Variants in MFRP observed in about 807,000 individuals in gnomAD.
The protein encoded by MFRP is membrane frizzled-related protein.
In MFRP, 74 loss-of-function variants were observed where a neutral mutation model predicts 65.8. The observed-to-expected ratio is 1.12, with a 90% CI of 0.93 to 1.36. The LOEUF (loss-of-function observed/expected upper bound fraction) is 1.36, where lower values mean the gene tolerates loss of function less well. MFRP is among the 40% of genes most tolerant of loss of function. The pLI is 0.00. For synonymous variants in MFRP, 336 were observed against 288.3 expected, an observed-to-expected ratio of 1.17 and a Z score of -1.68; for missense variants, 838 against 736.0, an observed-to-expected ratio of 1.14 and a Z score of -1.60.
At chr11:119,344,538 G>A (rs1188050215) in intron 7 of MFRP, 94 bp downstream of exon 7, 139 of 1,602,636 alleles carry the variant, frequency 8.7e-5, no homozygotes, top group Non-Finnish European at 4.8e-5. Context: ...AAATGCTGAC[G>A]GAGGGCCCGG....
Position 119,341,680 on chromosome 11 carries a change from G to C in MFRP, c.1608C>G (p.Pro536=), listed in dbSNP as rs1255172003. Reference sequence around the variant, plus strand: ...CTTCCTGGCAGACAGAGCGGCAAGGGGGCAGAACACTGCCTAGTGGGGTGC... The same window carrying C: ...CTTCCTGGCAGACAGAGCGGCAAGGCGGCAGAACACTGCCTAGTGGGGTGC... The part of the protein sequence containing the change: ...PRCTPLGSVL[P]PCRSVCQEAE... The change falls in exon 13 of 15, where the codon CCC becomes CCG. Residue 536 remains proline (P), a synonymous_variant. Transcript: ENST00000619721. The C allele has an allele frequency of 3.7e-6, 6 of 1,613,114 alleles. No individual in the cohort carries two copies. The highest frequency in any genetic ancestry group is 5.1e-6 in the Non-Finnish European group (6 of 1,180,040).
rs1296826453 is a variant in MFRP at position 119,345,771 on chromosome 11, A to G, written c.427+2T>C. 2 of 1,613,190 alleles carry G rather than the reference A, an allele frequency of 1.2e-6. No individual in the cohort carries two copies. The highest frequency in any genetic ancestry group is 8.5e-7 in the Non-Finnish European group (1 of 1,179,954). ...CCCGGAAGATCTGCCCCCAGTACTC[A>G]CTGGACTGTGGGGAGGGGCTCACGC... On this transcript the variant is annotated splice_donor_variant, in intron 4 of 14. Transcript: ENST00000619721. LOFTEE classifies it high-confidence loss of function.
chr11:119,344,452 T>C (rs923672337), intron 7 of MFRP, 61 bp from the exon 8 acceptor site: 2 of 1,569,798 alleles, frequency 1.3e-6, no homozygotes, highest in South Asian at 1.1e-5. Context: ...CCAATAGGGC[T>C]GGCGGTGATT....
chr11:119,344,595 G>T, intron 7 of MFRP, 37 bp downstream of exon 7: 1 of 1,613,648 alleles, frequency 6.2e-7, no homozygotes, highest in South Asian at 1.1e-5. Flanking sequence ...ACCCAGATCA[G>T]ACGCCTGAAG....
At chr11:119,340,064 T>G in intron 14 of MFRP, 120 bp downstream of exon 14, 1 of 1,324,108 alleles carries the variant, frequency 7.6e-7, no homozygotes, top group South Asian at 1.6e-5. Flanking sequence ...CGCTCAGGGC[T>G]GCAAAGCGCG....
Position 119,346,490 on chromosome 11 carries a change from G to T in MFRP, c.24C>A (p.Ile8=). 1 of 1,614,118 alleles carries T rather than the reference G, an allele frequency of 6.2e-7. No individual in the cohort carries two copies. Among genetic ancestry groups the T allele is most frequent in the Non-Finnish European group, 8.5e-7 (1 of 1,180,020 alleles). Residue 8 remains isoleucine, a synonymous_variant, in exon 1 of 15, where the codon ATC becomes ATA. Coordinates refer to ENST00000619721, the MANE Select transcript of MFRP (RefSeq NM_031433.4). MKDFSDV[I]LCMEATESSK... is the part of the protein sequence containing the mutation. ...TCGATTCTGTTGCCTCCATGCAGAG[G>T]ATGACATCTGAGAAGTCCTTCATGG...
chr11:119,344,082 T>C, intron 8 of MFRP, 118 bp from the exon 9 acceptor site: 1 of 1,372,576 alleles, frequency 7.3e-7, no homozygotes, highest in Non-Finnish European at 1.0e-6. Flanking sequence ...CTTTCATCAT[T>C]GGTGGTTCTT....
rs1461785004 is a variant in MFRP, at chr11:119,339,777, C to T, written c.*1182G>A. 1 of 1,541,466 alleles carries T rather than the reference C, an allele frequency of 6.5e-7. No homozygotes were observed. Among genetic ancestry groups the T allele is most frequent in the South Asian group, 1.2e-5 (1 of 83,994 alleles). ...GATCGCGGAGGCACCGAGCACTCCC[C>T]GGCAGGCCCGGTGGGCCCCGCGGGT... On this transcript the variant is annotated 3_prime_UTR_variant, in exon 15 of 15. Transcript: ENST00000619721. The surrounding 1 kb of genome is among the most constrained non-coding windows in gnomAD (Gnocchi z 5.4).
intron 1 of MFRP, 31 bp from the exon 2 acceptor site, chr11:119,346,405 G>A: frequency 1.2e-6 from 2 of 1,613,102 alleles, no homozygotes; most frequent in East Asian, 2.2e-5. Flanking sequence ...AGGGCTGAGG[G>A]CAGCAGTGAC....
intron 4 of MFRP, 60 bp from the exon 5 acceptor site, chr11:119,345,693 G>A (rs546706818): frequency 3.1e-6 from 5 of 1,611,824 alleles, no homozygotes; most frequent in African/African-American, 1.3e-5. Flanking sequence ...TATTCTCAAG[G>A]TGCCTCTTCC....
chr11:119,344,649 C>T lies in MFRP; in HGVS notation c.881G>A (p.Cys294Tyr). The T allele has an allele frequency of 8.1e-6, 13 of 1,614,090 alleles. No individual in the cohort carries two copies. Among genetic ancestry groups the T allele is most frequent in the Non-Finnish European group, 1.1e-5 (13 of 1,180,042 alleles). Residue 294 changes from cysteine to tyrosine, a missense_variant, in exon 7 of 15, where the codon TGC becomes TAC. Coordinates refer to ENST00000619721, the MANE Select transcript of MFRP (RefSeq NM_031433.4). ...NCADGSDETNCSAKFSGCGGN... is the reference protein window; with the variant it reads ...NCADGSDETNYSAKFSGCGGN... ...GCCCGTACCCGAGAACTTGGCACTG[C>T]AATTGGTCTCATCACTGCCGTCAGC...
Position 119,345,497 on chromosome 11 carries a change from G to A in MFRP, c.564C>T (p.Ala188=), listed in dbSNP as rs776566873. 6 of 1,614,120 alleles carry A rather than the reference G, an allele frequency of 3.7e-6. No homozygotes were observed. Among genetic ancestry groups the A allele is most frequent in the East Asian group, 2.2e-5 (1 of 44,878 alleles). ...TDHAIQLKIE[A]LSIESVASCL... is the part of the protein sequence containing the mutation. The stretch of plus-strand genomic sequence containing the variant: ...AAGAGGCCACACTCTCTATGCTGAG[G>A]GCTTCGATCTTGAGCTGTATTGCAT... Residue 188 remains alanine (A), a synonymous_variant, in exon 5 of 15, where the codon GCC becomes GCT. Coordinates refer to ENST00000619721, the MANE Select transcript of MFRP (RefSeq NM_031433.4).
At chr11:119,343,103 A>G (rs988896971) in intron 9 of MFRP, 100 bp from the exon 10 acceptor site, 6 of 1,431,682 alleles carry the variant, frequency 4.2e-6, no homozygotes, top group Non-Finnish European at 4.7e-6. Context: ...GCCCTGGATG[A>G]TGCCAAAGGT....
rs1389804747 is a variant in MFRP at position 119,345,919 on chromosome 11, G to A, written c.281C>T (p.Ala94Val). The part of the protein sequence containing the change: ...LVAIILAQLQ[A>V]APPSGASHSP... ...ATGGGACGCCCCAGATGGGGGTGCAGCCTGCAGCTCTGGAGGCGAGAAGAT... is the reference window on the plus strand; with the variant it reads ...ATGGGACGCCCCAGATGGGGGTGCAACCTGCAGCTCTGGAGGCGAGAAGAT... The change falls in exon 4 of 15, where the codon GCT (alanine) becomes GTT (valine). Residue 94 changes from alanine to valine, a missense_variant. By Grantham distance (64) the Ala-to-Val change is moderately conservative. Coordinates refer to ENST00000619721, the MANE Select transcript of MFRP (RefSeq NM_031433.4). 3.7e-6 allele frequency: 6 copies of A among 1,613,640 alleles called. No homozygotes were observed. Among genetic ancestry groups the A allele is most frequent in the Non-Finnish European group, 5.1e-6 (6 of 1,179,902 alleles).
At position 119,343,026 on chromosome 11, in the gene MFRP, C is replaced by G. The variant is rs184550939; in HGVS notation, c.1125-23G>C. The stretch of plus-strand genomic sequence containing the variant: ...AACCTGCCCAAAGCAGACAGCTGTT[C>G]TGGGCACCAGCCCTGGCTGACTGAG... On this transcript the variant is annotated intron_variant, in intron 9 of 14. Transcript: ENST00000619721. 651 of 1,585,696 alleles carry G rather than the reference C, an allele frequency of 4.1e-4. 1 individual carries two copies. The African/African-American group carries it at 7.5e-3, about 18-fold the overall frequency.
chr11:119,345,343 C>G, intron 5 of MFRP, 77 bp downstream of exon 5: 1 of 1,461,852 alleles, frequency 6.8e-7, no homozygotes. Flanking sequence ...TAGCCCTTCT[C>G]CCTGCCACTC....
chr11:119,345,409 G>C lies in MFRP; in HGVS notation c.641+11C>G. The C allele has an allele frequency of 6.2e-7, 1 of 1,613,466 alleles. No individual in the cohort carries two copies. The highest frequency in any genetic ancestry group is 8.5e-7 in the Non-Finnish European group (1 of 1,179,652). ...GACACGGTGGGATGTCCTGGGGACAGAGGGACCTACCTGAGGAGGGGGCCT... is the reference window on the plus strand; with the variant it reads ...GACACGGTGGGATGTCCTGGGGACACAGGGACCTACCTGAGGAGGGGGCCT... On this transcript the variant is annotated intron_variant, in intron 5 of 14. Transcript: ENST00000619721.
In MFRP at chr11:119,345,845, T is replaced by C. The variant is rs4639950; in HGVS notation, c.355A>G (p.Ile119Val). 4,566 of 1,613,524 alleles carry C rather than the reference T, an allele frequency of 2.8e-3. 119 individuals carry two copies. In the African/African-American group the frequency reaches 0.053, roughly 19 times the overall value. ...GTCCCAGCTGCCTGAGAGGTGGTGA[T>C]GGTGGGGGTGGTGGTGGTCGTGGTA... is the stretch of plus-strand genomic sequence containing the variant. ...GLTTTTTTPT[I>V]TTSQAAGTPK... Residue 119 changes from isoleucine (I) to valine (V), a missense_variant, in exon 4 of 15, where the codon ATC (isoleucine) becomes GTC (valine). Coordinates refer to ENST00000619721, the MANE Select transcript of MFRP (RefSeq NM_031433.4).
rs1353587068 is a variant in MFRP at position 119,345,560 on chromosome 11, G to GT, written c.500dup (p.Asn167LysfsTer34). On this transcript the variant is annotated frameshift_variant, in exon 5 of 15. Transcript: ENST00000619721. LOFTEE classifies it high-confidence loss of function. Reference sequence around the variant, plus strand: ...CCTGGATATGCCACACGCAGTGGGTGTTGGGGGGGTAAGGGTCTGGGTAGT... The same window carrying GT: ...CCTGGATATGCCACACGCAGTGGGTGTTTGGGGGGGTAAGGGTCTGGGTAGT... 6.2e-7 allele frequency: 1 copy of GT among 1,614,062 alleles called. No homozygotes were observed.
Sources: gnomAD v4.1 joint callset for allele counts on GRCh38, gnomAD v4.1.1 for gene constraint, Gnocchi (gnomAD v3.1) non-coding constraint, MANE v1.5 for transcripts, NCBI Gene and HGNC (gene_info 2026-07-23, HGNC 2026-07-21) for gene names.